Variants in CLIC5 observed in about 807,000 individuals in gnomAD.
The protein encoded by CLIC5 is CLIC family member 5.
A neutral mutation model predicts 24.7 loss-of-function variants in CLIC5; 20 were observed. The ratio of observed to expected loss-of-function variants is 0.81; its 90% CI spans 0.57 to 1.18. The LOEUF is 1.18. CLIC5 is among the 50% of genes most tolerant of loss of function. CLIC5 has a pLI of 0.00. For synonymous variants in CLIC5, 159 were observed against 135.6 expected, an observed-to-expected ratio of 1.17 and a Z score of -1.20; for missense variants, 341 against 326.1, an observed-to-expected ratio of 1.05 and a Z score of -0.35.
intron 1 of CLIC5, among the ~76,000 whole-genome samples, chr6:45,976,239 T>C (rs554766476): frequency 2.6e-5 from 4 of 152,230 alleles, no homozygotes; most frequent in African/African-American, 7.2e-5. Flanking sequence ...CTCAACAATA[T>C]GTTTTTCATG....
intron 1 of CLIC5, among the ~76,000 whole-genome samples, chr6:46,026,101 C>A (rs1219271899): frequency 6.6e-6 from 1 of 152,142 alleles, no homozygotes; most frequent in East Asian, 1.9e-4. Flanking sequence ...ATGGCATGAG[C>A]TCTTTGAGCA....
At chr6:45,981,460 G>C (rs1765566241) in intron 1 of CLIC5, among the ~76,000 whole-genome samples, 2 of 152,110 alleles carry the variant, frequency 1.3e-5, no homozygotes, top group African/African-American at 4.8e-5. Context: ...AAGTAATGTG[G>C]TTTCTCAAGG....
intron 6 of CLIC5, among the ~76,000 whole-genome samples, chr6:45,882,342 A>G (rs1410256997): frequency 1.3e-5 from 2 of 152,258 alleles, no homozygotes; most frequent in African/African-American, 4.8e-5. Flanking sequence ...AGATTAATTG[A>G]TGTCATTTGT....
chr6:45,958,292 C>T (rs1764713207), intron 1 of CLIC5, among the ~76,000 whole-genome samples: 1 of 151,302 alleles, frequency 6.6e-6, no homozygotes, highest in African/African-American at 2.4e-5. Flanking sequence ...GAGCCTGGCT[C>T]TGCCCACACC....
downstream of CLIC5, among the ~76,000 whole-genome samples, chr6:45,897,820 T>C (rs1205959481): frequency 2.6e-5 from 4 of 151,940 alleles, no homozygotes; most frequent in Admixed American, 2.6e-4. Flanking sequence ...AAGAATGATA[T>C]TTTAAGGAAT....
intron 1 of CLIC5, among the ~76,000 whole-genome samples, chr6:45,967,281 T>C (rs1765047578): frequency 1.3e-5 from 2 of 152,212 alleles, no homozygotes; most frequent in African/African-American, 2.4e-5. Flanking sequence ...ACTGGGGATG[T>C]AGTGATGTGG....
At chr6:45,943,657 G>T (rs1764203670) in intron 3 of CLIC5, among the ~76,000 whole-genome samples, 1 of 152,224 alleles carries the variant, frequency 6.6e-6, no homozygotes, top group Non-Finnish European at 1.5e-5. Flanking sequence ...TGGGTTTCTT[G>T]CTTTGTTTTG....
chr6:46,103,878 A>G, the CLIC5 span, among the ~76,000 whole-genome samples: 2 of 152,320 alleles, frequency 1.3e-5, no homozygotes, highest in East Asian at 3.9e-4. Flanking sequence ...CTGACAAGCC[A>G]GCAGAAGGGT....
the CLIC5 span, among the ~76,000 whole-genome samples, chr6:46,091,264 C>T: frequency 6.6e-6 from 1 of 152,196 alleles, no homozygotes; most frequent in Non-Finnish European, 1.5e-5. Context: ...CCCTAACCCA[C>T]CAACCTCTTG....
chr6:45,955,579 C>T (rs1250060042), intron 1 of CLIC5, among the ~76,000 whole-genome samples: 1 of 151,994 alleles, frequency 6.6e-6, no homozygotes, highest in Admixed American at 6.6e-5. Flanking sequence ...ACATCTACAC[C>T]CCCAAGTAAT....
intron 1 of CLIC5, among the ~76,000 whole-genome samples, chr6:45,987,565 T>C (rs1224148194): frequency 6.6e-6 from 1 of 152,226 alleles, no homozygotes; most frequent in Non-Finnish European, 1.5e-5. Flanking sequence ...CAAAATCCTG[T>C]AGATTGTGTG....
chr6:46,119,045 T>C, the CLIC5 span, among the ~76,000 whole-genome samples: 2 of 152,150 alleles, frequency 1.3e-5, no homozygotes, highest in Non-Finnish European at 1.5e-5. Flanking sequence ...TCGAGGAATA[T>C]AGGTGGCCTC....
Position 45,955,152 on chromosome 6 carries a change from G to T in CLIC5, c.156C>A (p.Thr52=). 2 of 1,612,210 alleles carry T rather than the reference G, an allele frequency of 1.2e-6. No individual in the cohort carries two copies. Among genetic ancestry groups the T allele is most frequent in the South Asian group, 2.2e-5 (2 of 91,034 alleles). The part of the protein sequence containing the change: ...LWLKGVVFNV[T]TVDLKRKPAD... ...TACGTTACCTTTTCAGATCCACAGT[G>T]GTGACATTGAACACGACTCCTTTCA... Residue 52 remains threonine, a synonymous_variant, in exon 2 of 6, where the codon ACC becomes ACA. Coordinates refer to ENST00000339561, the MANE Select transcript of CLIC5 (RefSeq NM_016929.5).
the CLIC5 span, among the ~76,000 whole-genome samples, chr6:46,121,179 G>T: frequency 6.6e-6 from 1 of 152,162 alleles, no homozygotes; most frequent in Non-Finnish European, 1.5e-5. Context: ...GGCAGCCAGA[G>T]AGAAAGGTCG....
intron 1 of CLIC5, among the ~76,000 whole-genome samples, chr6:46,010,862 A>T (rs913986739): frequency 2.0e-5 from 3 of 152,200 alleles, no homozygotes; most frequent in African/African-American, 7.2e-5. Flanking sequence ...AAAGAAAAAC[A>T]CAGTAGCTTA....
intron 1 of CLIC5, among the ~76,000 whole-genome samples, chr6:46,026,671 G>T (rs923343826): frequency 6.6e-6 from 1 of 152,046 alleles, no homozygotes; most frequent in East Asian, 1.9e-4. Context: ...CACTTCCTGG[G>T]CAGCTGTTCT....
chr6:46,105,925 T>G, the CLIC5 span, among the ~76,000 whole-genome samples: 1 of 152,226 alleles, frequency 6.6e-6, no homozygotes, highest in Non-Finnish European at 1.5e-5. Flanking sequence ...AAGGTGCAGT[T>G]TGAACACTTG....
In CLIC5 at chr6:45,913,966, T is replaced by C. The variant is rs45555038; in HGVS notation, c.588+262A>G. Among the ~76,000 whole-genome samples, 1,425 of 152,258 alleles carry C rather than the reference T, an allele frequency of 9.4e-3. 10 individuals carry two copies. The highest frequency in any genetic ancestry group is 0.017 in the Middle Eastern group (5 of 294). On this transcript the variant is annotated intron_variant, in intron 5 of 5. Transcript: ENST00000339561. ...TTACACATATTAAGCCCCCACAATA[T>C]GCCAAGCACTTTCACGCTGTATTTA...
At chr6:45,963,153 A>C (rs1490386920) in intron 1 of CLIC5, among the ~76,000 whole-genome samples, 1 of 151,782 alleles carries the variant, frequency 6.6e-6, no homozygotes, top group Non-Finnish European at 1.5e-5. Context: ...GTTGTCTTTC[A>C]ATCTGTTTCC....
Sources: gnomAD v4.1 joint callset for allele counts (sites outside exome capture counted in the v4.1 genomes callset) on GRCh38, gnomAD v4.1.1 for gene constraint, MANE v1.5 for transcripts, NCBI Gene and HGNC (gene_info 2026-07-23, HGNC 2026-07-21) for gene names.